Variants in PHRF1 observed in about 807,000 individuals in gnomAD.
PHRF1 encodes PHD and ring finger domains 1, also known as PHD and RING finger domain-containing protein 1.
PHRF1 carries 53 observed loss-of-function variants against 128.9 expected under a neutral mutation model. That is an observed-to-expected ratio of 0.41 (90% CI 0.33 to 0.52). The LOEUF is 0.52. Ranked by LOEUF, PHRF1 falls within the 20% of genes least tolerant of loss-of-function variation. The pLI, the probability that PHRF1 is intolerant of heterozygous loss-of-function variation, is 0.21. For missense variants in PHRF1, 2,503 were observed against 2,284.5 expected, an observed-to-expected ratio of 1.10 and a Z score of -1.95; for synonymous variants, 1,178 against 980.6, an observed-to-expected ratio of 1.20 and a Z score of -3.76.
rs1279053104 is a variant in PHRF1, at chr11:582,088, C to T, written c.214+7C>T. 1.3e-6 allele frequency: 2 copies of T among 1,585,188 alleles called. No individual in the cohort carries two copies. The highest frequency in any genetic ancestry group is 2.7e-5 in the African/African-American group (2 of 74,466). On this transcript the variant is annotated splice_region_variant and intron_variant, in intron 3 of 17. Transcript: ENST00000264555. ...GACCTGGAAGACAGATCTGGTGAGA[C>T]AGCTGGTGTTCACGCCGGCTCCTGT...
chr11:607,387 C>T lies in PHRF1; in HGVS notation c.1931C>T (p.Ser644Phe). The change falls in exon 14 of 18, where the codon TCT becomes TTT. Residue 644 changes from serine to phenylalanine, a missense_variant. Physicochemically the swap from Ser to Phe is radical, Grantham distance 155. Coordinates refer to ENST00000264555, the MANE Select transcript of PHRF1 (RefSeq NM_001286581.2). ...AACAAGCACACCTTGCCCCTTGCCT[C>T]TGCCGCGTCTAAGATCTCAAGCAGA... ...GTNKHTLPLA[S>F]AASKISSRDS... 2.5e-6 allele frequency: 4 copies of T among 1,612,834 alleles called. No individual in the cohort carries two copies. Among genetic ancestry groups the T allele is most frequent in the Non-Finnish European group, 3.4e-6 (4 of 1,179,898 alleles).
At chr11:606,835 G>A (rs1855978032) in intron 13 of PHRF1, 6 of 877,352 alleles carry the variant, frequency 6.8e-6, no homozygotes, top group South Asian at 3.7e-5. Flanking sequence ...TACTGCCCCC[G>A]CCCCTGGTTA....
At chr11:582,972 T>C (rs1205373595) in intron 3 of PHRF1, among the ~76,000 whole-genome samples, 1 of 150,536 alleles carries the variant, frequency 6.6e-6, no homozygotes, top group African/African-American at 2.4e-5. Flanking sequence ...AGGTGGAGGT[T>C]GCAGTGAGCC....
intron 5 of PHRF1, among the ~76,000 whole-genome samples, chr11:591,912 G>GTTT (rs61391789): frequency 7.5e-6 from 1 of 132,738 alleles, no homozygotes; most frequent in Non-Finnish European, 1.6e-5. Context: ...ACACCCGGCT[G>GTTT]TTTTTTTTTT....
At chr11:609,823 C>T (rs1323989511) in intron 14 of PHRF1, 103 bp downstream of exon 14, 3 of 796,970 alleles carry the variant, frequency 3.8e-6, no homozygotes, top group Non-Finnish European at 1.9e-6. Context: ...CCGGCCTCCA[C>T]CGAGGACAGA....
chr11:605,023 A>G (rs1479444660), intron 10 of PHRF1, 96 bp from the exon 11 acceptor site: 11 of 1,257,854 alleles, frequency 8.7e-6, no homozygotes, highest in East Asian at 7.7e-5. Flanking sequence ...TCTAGTGTTC[A>G]CTGTTGCTGA....
rs118136288 is a variant in PHRF1 at position 601,145 on chromosome 11, C to T, written c.1025-429C>T. Among the ~76,000 whole-genome samples the T allele has an allele frequency of 7.7e-4, 117 of 151,534 alleles. No individual in the cohort carries two copies. In the East Asian group the frequency reaches 0.02, roughly 26 times the overall value. Reference sequence around the variant, plus strand: ...CAGCCTTCGTGACAGAGCAAGACTCCGTCTCAGAAAAAAATTTGGGCAGGC... The same window carrying T: ...CAGCCTTCGTGACAGAGCAAGACTCTGTCTCAGAAAAAAATTTGGGCAGGC... On this transcript the variant is annotated intron_variant, in intron 9 of 17. Coordinates refer to ENST00000264555, the MANE Select transcript of PHRF1 (RefSeq NM_001286581.2).
In PHRF1 at chr11:611,015, C is replaced by T; in HGVS notation, c.4739C>T (p.Pro1580Leu). ...AVEEVKLAIK[P>L]FYQKREVTKE... ...GAGGAGGTGAAGCTGGCCATCAAGC[C>T]CTTCTACCAGAAGAGGGAGGTGACC... Residue 1580 changes from proline to leucine, a missense_variant, in exon 17 of 18, where the codon CCC (proline) becomes CTC (leucine). Transcript: ENST00000264555. 3 of 1,613,490 alleles carry T rather than the reference C, an allele frequency of 1.9e-6. No homozygotes were observed. The highest frequency in any genetic ancestry group is 2.5e-6 in the Non-Finnish European group (3 of 1,179,820).
At chr11:576,650 C>T (rs1420196343) in intron 1 of PHRF1, 58 bp downstream of exon 1, 2 of 148,926 alleles carry the variant, frequency 1.3e-5, no homozygotes, top group South Asian at 2.1e-4. Flanking sequence ...CGCGGGCCGC[C>T]TGTGGGCGCC....
chr11:601,090 GCAGTGAGGTAA>G (rs1362627900), intron 9 of PHRF1, among the ~76,000 whole-genome samples: 1 of 152,214 alleles, frequency 6.6e-6, no homozygotes, highest in Non-Finnish European at 1.5e-5. Flanking sequence ...GGCGGAGGTT[GCAGTGAGGTAA>G]GATCGCACCA....
At chr11:610,140 C>T in intron 14 of PHRF1, 56 bp from the exon 15 acceptor site, 3 of 1,449,260 alleles carry the variant, frequency 2.1e-6, no homozygotes, top group South Asian at 1.5e-5. Flanking sequence ...CATGAAACAG[C>T]ATTCTGGGCA....
chr11:605,277 TTA>T lies in PHRF1; in HGVS notation c.1313_1314del (p.Tyr438Ter). ...AASLSLFGDP[Y>X]ELDPFDSSEE... is the part of the protein sequence containing the mutation. The stretch of plus-strand genomic sequence containing the variant: ...CCTCTCTGTCTCTGTTTGGAGATCC[TTA>T]TGAGCTGGATCCCTTCGACAGGTGA... On this transcript the variant is annotated frameshift_variant, in exon 11 of 18. Coordinates refer to ENST00000264555, the MANE Select transcript of PHRF1 (RefSeq NM_001286581.2). LOFTEE classifies it high-confidence loss of function. 6.2e-7 allele frequency: 1 copy of T among 1,613,654 alleles called. No individual in the cohort carries two copies. The highest frequency in any genetic ancestry group is 8.5e-7 in the Non-Finnish European group (1 of 1,179,848).
rs754552897 is a variant in PHRF1 at position 608,179 on chromosome 11, C to T, written c.2723C>T (p.Ala908Val). Reference sequence around the variant, plus strand: ...TCCGCCATGTCCAAGCTCCGGGGTGCAGTGGCTGCCGAGGGGGCCTCTGAC... The same window carrying T: ...TCCGCCATGTCCAAGCTCCGGGGTGTAGTGGCTGCCGAGGGGGCCTCTGAC... ...PSSAMSKLRGAVAAEGASDTE... is the reference protein window; with the variant it reads ...PSSAMSKLRGVVAAEGASDTE... Residue 908 changes from alanine to valine, a missense_variant, in exon 14 of 18, where the codon GCA becomes GTA. Coordinates refer to ENST00000264555, the MANE Select transcript of PHRF1 (RefSeq NM_001286581.2). The T allele has an allele frequency of 6.8e-6, 11 of 1,610,016 alleles. No individual in the cohort carries two copies. The highest frequency in any genetic ancestry group is 8.5e-6 in the Non-Finnish European group (10 of 1,179,826).
intron 3 of PHRF1, among the ~76,000 whole-genome samples, chr11:584,344 C>G (rs1854396841): frequency 6.6e-6 from 1 of 152,226 alleles, no homozygotes; most frequent in Non-Finnish European, 1.5e-5. Context: ...GCCAGAGACT[C>G]TGGGTTGGGG....
At chr11:601,428 CA>C (rs59861558) in intron 9 of PHRF1, 145 bp from the exon 10 acceptor site, 153,013 of 852,878 alleles carry the variant, frequency 0.18, 15 homozygotes, top group South Asian at 0.22. Context: ...GATCCTGTCT[CA>C]AAAAAAAAAA....
chr11:610,682 G>C lies in PHRF1; in HGVS notation c.4598G>C (p.Ser1533Thr). 1 of 1,603,474 alleles carries C rather than the reference G, an allele frequency of 6.2e-7. No homozygotes were observed. The highest frequency in any genetic ancestry group is 8.5e-7 in the Non-Finnish European group (1 of 1,179,796). Residue 1533 changes from serine (S) to threonine (T), a missense_variant, in exon 16 of 18, where the codon AGT becomes ACT. Ser to Thr is a moderately conservative substitution (Grantham distance 58). Transcript: ENST00000264555. ...AALTPASEPA[S>T]QATAASNSEE... ...CTGACCCCAGCCTCAGAGCCAGCCA[G>C]TCAAGCCACTGCAGCCAGCAACTCG...
In PHRF1 at chr11:610,322, G is replaced by A; in HGVS notation, c.4391G>A (p.Gly1464Glu). The A allele has an allele frequency of 6.4e-7, 1 of 1,566,526 alleles. No homozygotes were observed. The highest frequency in any genetic ancestry group is 8.7e-7 in the Non-Finnish European group (1 of 1,155,940). Reference protein sequence around the residue: ...PFPSHVLPEPGFPDTDPSQVY... With the variant: ...PFPSHVLPEPEFPDTDPSQVY... ...CCCAGTCACGTGCTTCCGGAACCCG[G>A]GTTCCCAGACACAGACCCCTCTCAG... The change falls in exon 15 of 18, where the codon GGG (glycine) becomes GAG (glutamate). Residue 1464 changes from glycine (G) to glutamate (E), a missense_variant. Transcript: ENST00000264555.
At chr11:604,765 G>T (rs1483565677) in intron 10 of PHRF1, among the ~76,000 whole-genome samples, 1 of 152,176 alleles carries the variant, frequency 6.6e-6, no homozygotes, top group African/African-American at 2.4e-5. Flanking sequence ...GTCTGCCTTG[G>T]GCTCCCAGAA....
At chr11:598,615 T>C in intron 9 of PHRF1, 113 bp downstream of exon 9, 1 of 1,421,824 alleles carries the variant, frequency 7.0e-7, no homozygotes. Context: ...TTTCTGCAAG[T>C]TAATCTTCTC....
Sources: allele counts gnomAD v4.1 joint callset (sites outside exome capture counted in the v4.1 genomes callset), GRCh38; gene constraint gnomAD v4.1.1; transcripts MANE v1.5; gene names NCBI Gene and HGNC (gene_info 2026-07-23, HGNC 2026-07-21).